The following EYS variants were observed in gnomAD, a reference collection of about 807,000 sequenced individuals.
The protein encoded by EYS is EGF-like photoreceptor maintenance factor, also known as protein eyes shut homolog.
EYS carries 250 observed loss-of-function variants against 282.1 expected under a neutral mutation model. The ratio of observed to expected loss-of-function variants is 0.89; its 90% CI spans 0.80 to 0.98. EYS has a LOEUF of 0.98. Ranked by LOEUF, EYS falls within the 50% of genes least tolerant of loss-of-function variation. The probability of loss-of-function intolerance (pLI) is 0.00; values close to 1 mark genes in which losing one functional copy is unlikely to be tolerated. For synonymous variants in EYS, 1,355 were observed against 1,282.9 expected, an observed-to-expected ratio of 1.06 and a Z score of -1.20; for missense variants, 4,016 against 3,709.0, an observed-to-expected ratio of 1.08 and a Z score of -2.15.
chr6:65,407,480 T>A (rs1352194200), intron 5 of EYS, among the ~76,000 whole-genome samples: 6 of 152,132 alleles, frequency 3.9e-5, no homozygotes, highest in Non-Finnish European at 5.9e-5. Flanking sequence ...GGTCTCGAAC[T>A]CCTGACCTCA....
At chr6:65,597,152 T>G (rs1262661015) in intron 2 of EYS, among the ~76,000 whole-genome samples, 1 of 152,090 alleles carries the variant, frequency 6.6e-6, no homozygotes, top group Non-Finnish European at 1.5e-5. Context: ...CCTGCTCAAA[T>G]AAGTTTGAGA....
At chr6:64,852,018 T>A (rs1765901602) in intron 19 of EYS, among the ~76,000 whole-genome samples, 1 of 152,036 alleles carries the variant, frequency 6.6e-6, no homozygotes, top group Admixed American at 6.6e-5. Context: ...TAAAGTACAT[T>A]TATATTGCTT....
At chr6:64,330,061 A>T (rs1770583123) in intron 29 of EYS, among the ~76,000 whole-genome samples, 1 of 152,140 alleles carries the variant, frequency 6.6e-6, no homozygotes, top group African/African-American at 2.4e-5. Context: ...CTTTCATGCC[A>T]CCAAGTGACC....
intron 36 of EYS, among the ~76,000 whole-genome samples, chr6:63,860,431 A>G (rs1772505004): frequency 6.6e-6 from 1 of 152,220 alleles, no homozygotes; most frequent in Non-Finnish European, 1.5e-5. Flanking sequence ...GAAGTGTGGG[A>G]ATATTAATGT....
chr6:64,801,135 T>G (rs1387069073), intron 22 of EYS, among the ~76,000 whole-genome samples: 1 of 152,040 alleles, frequency 6.6e-6, no homozygotes, highest in Non-Finnish European at 1.5e-5. Context: ...AGAAAACATC[T>G]GAATGTTTAA....
chr6:65,180,739 G>A (rs541745142), intron 12 of EYS, among the ~76,000 whole-genome samples: 77 of 152,142 alleles, frequency 5.1e-4, no homozygotes, highest in African/African-American at 1.7e-3. Flanking sequence ...AAAAGAGCCT[G>A]CATTGCCAAG....
chr6:65,151,035 A>G (rs556173797), intron 12 of EYS, among the ~76,000 whole-genome samples: 1 of 152,172 alleles, frequency 6.6e-6, no homozygotes, highest in East Asian at 1.9e-4. Context: ...ACAATATTTG[A>G]TAGAATCTGT....
At chr6:64,184,821 A>G (rs1338860328) in intron 31 of EYS, among the ~76,000 whole-genome samples, 4 of 152,184 alleles carry the variant, frequency 2.6e-5, no homozygotes, top group Non-Finnish European at 1.5e-5. Context: ...TAAATATAAG[A>G]TTTATGTCCA....
chr6:65,663,866 CTTTTTTTT>C (rs66999581), intron 1 of EYS, among the ~76,000 whole-genome samples: 1 of 75,916 alleles, frequency 1.3e-5, no homozygotes, highest in South Asian at 4.7e-4. Context: ...TTTTTCTTTT[CTTTTTTTT>C]TTTTTTTTTT....
intron 31 of EYS, among the ~76,000 whole-genome samples, chr6:64,096,395 A>T (rs1173596450): frequency 6.6e-6 from 1 of 152,194 alleles, no homozygotes; most frequent in East Asian, 1.9e-4. Context: ...CACCAATCAG[A>T]CGTAGATTTG....
At chr6:63,934,031 T>C (rs1385735595) in intron 35 of EYS, among the ~76,000 whole-genome samples, 3 of 152,166 alleles carry the variant, frequency 2.0e-5, no homozygotes, top group African/African-American at 7.2e-5. Context: ...ATCCAGAATC[T>C]ACAATGAACT....
chr6:65,236,593 G>A (rs897319147), intron 12 of EYS, among the ~76,000 whole-genome samples: 2 of 150,414 alleles, frequency 1.3e-5, no homozygotes, highest in Admixed American at 1.3e-4. Flanking sequence ...GGGCAACAGA[G>A]TGAGACTCTG....
At chr6:65,564,761 G>T (rs991503285) in intron 2 of EYS, among the ~76,000 whole-genome samples, 5 of 151,952 alleles carry the variant, frequency 3.3e-5, no homozygotes, top group African/African-American at 9.7e-5. Flanking sequence ...GGCAACAAAA[G>T]CCAAAATTGA....
At chr6:64,601,798 T>C (rs534046928) in intron 24 of EYS, among the ~76,000 whole-genome samples, 1 of 152,188 alleles carries the variant, frequency 6.6e-6, no homozygotes, top group East Asian at 1.9e-4. Context: ...ACTCTCAACC[T>C]AACCTGACCC....
intron 2 of EYS, among the ~76,000 whole-genome samples, chr6:65,541,790 T>A (rs1195556151): frequency 6.6e-6 from 1 of 152,058 alleles, no homozygotes; most frequent in East Asian, 1.9e-4. Context: ...ATATAAGCTA[T>A]CTCTTTGCTC....
chr6:64,122,915 AT>A (rs201924059), intron 31 of EYS, among the ~76,000 whole-genome samples: 6,108 of 149,812 alleles, frequency 0.041, 353 homozygotes, highest in African/African-American at 0.14. Context: ...CTTACAAAGC[AT>A]TTTTTTTTTG....
intron 41 of EYS, among the ~76,000 whole-genome samples, chr6:63,730,167 T>C (rs1202222423): frequency 6.6e-6 from 1 of 152,216 alleles, no homozygotes; most frequent in Non-Finnish European, 1.5e-5. Context: ...AATGCATTAA[T>C]AGATTATAGC....
At chr6:65,644,607 T>C (rs563201109) in intron 1 of EYS, among the ~76,000 whole-genome samples, 2 of 152,122 alleles carry the variant, frequency 1.3e-5, no homozygotes, top group Non-Finnish European at 2.9e-5. Flanking sequence ...CCTAGGCACA[T>C]AGTCATTAGG....
At chr6:65,476,030 T>G (rs1765391983) in intron 5 of EYS, among the ~76,000 whole-genome samples, 1 of 152,062 alleles carries the variant, frequency 6.6e-6, no homozygotes, top group African/African-American at 2.4e-5. Context: ...AGTAAAATTT[T>G]GTCAGGGAGA....
Sources: allele counts gnomAD v4.1 joint callset (sites outside exome capture counted in the v4.1 genomes callset), GRCh38; gene constraint gnomAD v4.1.1; transcripts MANE v1.5; gene names NCBI Gene and HGNC (gene_info 2026-07-23, HGNC 2026-07-21).